ASPH: variants seen among roughly 807,000 people sequenced by gnomAD.
ASPH encodes the protein aspartyl/asparaginyl beta-hydroxylase.
In ASPH, 100 loss-of-function variants were observed where a neutral mutation model predicts 118.4. That is an observed-to-expected ratio of 0.84 (90% CI 0.72 to 1.00). The LOEUF (loss-of-function observed/expected upper bound fraction) is 1.00, where lower values mean the gene tolerates loss of function less well. Among genes scored for constraint, ASPH ranks in the 50% least tolerant of loss-of-function variants. The pLI, the probability that ASPH is intolerant of heterozygous loss-of-function variation, is 0.00. For missense variants in ASPH, 920 were observed against 919.5 expected (o/e 1.00, Z -0.01); for synonymous variants, 315 against 325.6 (o/e 0.97, Z 0.35).
chr8:61,662,812 A>G, intron 3 of ASPH: 1 of 978,326 alleles, frequency 1.0e-6, no homozygotes, highest in Non-Finnish European at 1.2e-6. Flanking sequence ...TCAATGAGAT[A>G]GCCAAAACAT....
chr8:61,698,539 C>A (rs529853575), intron 1 of ASPH, among the ~76,000 whole-genome samples: 1 of 152,308 alleles, frequency 6.6e-6, no homozygotes, highest in South Asian at 2.1e-4. Flanking sequence ...TTTATGGACA[C>A]TTCATTACTT....
chr8:61,672,650 G>T (rs563208342), intron 3 of ASPH, among the ~76,000 whole-genome samples: 1 of 152,066 alleles, frequency 6.6e-6, no homozygotes, highest in African/African-American at 2.4e-5. Context: ...CATTGAAGGA[G>T]AATTCAAATA....
chr8:61,583,249 T>C (rs939921446), intron 15 of ASPH: 2 of 42,100 alleles, frequency 4.8e-5, no homozygotes, highest in African/African-American at 2.3e-4. Flanking sequence ...TACTTGACAG[T>C]GTTATTATTA....
intron 14 of ASPH, among the ~76,000 whole-genome samples, chr8:61,599,336 A>G (rs1226690043): frequency 6.6e-6 from 1 of 152,108 alleles, no homozygotes; most frequent in Non-Finnish European, 1.5e-5. Context: ...CGGGGGAGTG[A>G]GGAGGGATAG....
At chr8:61,544,832 C>A (rs1181447852) in intron 21 of ASPH, among the ~76,000 whole-genome samples, 2 of 152,062 alleles carry the variant, frequency 1.3e-5, no homozygotes, top group South Asian at 4.1e-4. Context: ...ATATAGTGTG[C>A]TATTTAAAAA....
At chr8:61,708,204 C>T (rs1372595206) in intron 1 of ASPH, among the ~76,000 whole-genome samples, 3 of 152,098 alleles carry the variant, frequency 2.0e-5, no homozygotes, top group Non-Finnish European at 4.4e-5. Flanking sequence ...CAAATACATA[C>T]AATTTTAAAG....
chr8:61,714,456 C>A lies in ASPH; in HGVS notation c.-85G>T. On this transcript the variant is annotated 5_prime_UTR_variant, in exon 1 of 25. Coordinates refer to ENST00000379454, the MANE Select transcript of ASPH (RefSeq NM_004318.4). Reference sequence around the variant, plus strand: ...CACGCGACGCGGGAACCGCTGGCGGCGGCGGGCCGCTGGAGCGGGTTCGGG... The same window carrying A: ...CACGCGACGCGGGAACCGCTGGCGGAGGCGGGCCGCTGGAGCGGGTTCGGG... 7.4e-7 allele frequency: 1 copy of A among 1,359,964 alleles called. No individual in the cohort carries two copies. The highest frequency in any genetic ancestry group is 9.5e-7 in the Non-Finnish European group (1 of 1,057,312). 84.2% of individuals were successfully genotyped at this position (1,359,964 alleles called of 1,614,324 possible).
intron 21 of ASPH, 84 bp from the exon 22 acceptor site, chr8:61,526,196 G>A (rs767193627): frequency 1.6e-5 from 24 of 1,528,966 alleles, no homozygotes; most frequent in African/African-American, 5.6e-5. Context: ...TTTGAGGTTC[G>A]TCTCAGAAAG....
chr8:61,633,768 G>T, intron 12 of ASPH, 41 bp from the exon 13 acceptor site: 1 of 1,420,290 alleles, frequency 7.0e-7, no homozygotes, highest in South Asian at 1.4e-5. Context: ...ACATATTGCT[G>T]ATCAGTGTTT....
At chr8:61,705,667 T>G (rs1400358440) in intron 1 of ASPH, among the ~76,000 whole-genome samples, 3 of 152,204 alleles carry the variant, frequency 2.0e-5, no homozygotes, top group Admixed American at 2.0e-4. Context: ...GATGAAAATA[T>G]TCTCTATCCT....
intron 22 of ASPH, among the ~76,000 whole-genome samples, chr8:61,524,759 T>C (rs1454042296): frequency 6.7e-6 from 1 of 150,186 alleles, no homozygotes; most frequent in African/African-American, 2.4e-5. Flanking sequence ...ATACTTTTTT[T>C]TTTTTTTGGC....
chr8:61,565,836 G>A (rs1831500800), intron 17 of ASPH, among the ~76,000 whole-genome samples: 1 of 152,216 alleles, frequency 6.6e-6, no homozygotes, highest in Admixed American at 6.5e-5. Flanking sequence ...GAGACTTTAA[G>A]TTGAAGCCAG....
chr8:61,546,268 C>G (rs983075719), intron 21 of ASPH, among the ~76,000 whole-genome samples: 3 of 152,206 alleles, frequency 2.0e-5, no homozygotes, highest in African/African-American at 7.2e-5. Context: ...AGGCTTCCAG[C>G]TATGTCAATC....
intron 19 of ASPH, among the ~76,000 whole-genome samples, chr8:61,554,761 A>G (rs1490888600): frequency 1.3e-5 from 2 of 152,144 alleles, no homozygotes; most frequent in Non-Finnish European, 2.9e-5. Flanking sequence ...TTTTAGAGAC[A>G]GGGTCTCAGT....
At chr8:61,544,060 G>A (rs1301245796) in intron 21 of ASPH, among the ~76,000 whole-genome samples, 1 of 152,148 alleles carries the variant, frequency 6.6e-6, no homozygotes, top group Admixed American at 6.5e-5. Flanking sequence ...AAATTTGTGA[G>A]GTACTAAAAA....
chr8:61,529,933 C>T (rs1816940609), intron 21 of ASPH, among the ~76,000 whole-genome samples: 1 of 152,174 alleles, frequency 6.6e-6, no homozygotes, highest in Non-Finnish European at 1.5e-5. Context: ...CCCAAAGCCC[C>T]ACCTCTTAAT....
intron 16 of ASPH, among the ~76,000 whole-genome samples, chr8:61,575,402 G>A (rs961008633): frequency 1.3e-5 from 2 of 152,240 alleles, no homozygotes; most frequent in African/African-American, 2.4e-5. Context: ...TCACATGTCT[G>A]TTGGCTGTTC....
At chr8:61,682,531 C>A (rs1341778103) in intron 2 of ASPH, 5 of 1,533,654 alleles carry the variant, frequency 3.3e-6, no homozygotes, top group Non-Finnish European at 4.5e-6. Flanking sequence ...CTTAAAGGTA[C>A]AAATACTTAA....
intron 22 of ASPH, among the ~76,000 whole-genome samples, chr8:61,525,144 T>C (rs1314272244): frequency 6.6e-6 from 1 of 152,202 alleles, no homozygotes; most frequent in Non-Finnish European, 1.5e-5. Context: ...ATTTGTCCTT[T>C]AGTGTAAATT....
Sources: allele counts gnomAD v4.1 joint callset (sites outside exome capture counted in the v4.1 genomes callset), GRCh38; gene constraint gnomAD v4.1.1; transcripts MANE v1.5; gene names NCBI Gene and HGNC (gene_info 2026-07-23, HGNC 2026-07-21).